SLC45A4: variants seen among roughly 807,000 people sequenced by gnomAD.
SLC45A4 encodes the protein polyamine-transporter SLC45A4.
A neutral mutation model predicts 63.7 loss-of-function variants in SLC45A4; 32 were observed. That is an observed-to-expected ratio of 0.50 (90% CI 0.38 to 0.67). SLC45A4 has a LOEUF of 0.67. SLC45A4 is among the 30% of genes least tolerant of loss of function. SLC45A4 has a pLI of 0.00. For missense variants in SLC45A4, 1,027 were observed against 1,157.7 expected (o/e 0.89, Z 1.64); for synonymous variants, 535 against 510.0 (o/e 1.05, Z -0.66).
chr8:141,230,968 G>A (rs1304888472), intron 2 of SLC45A4, among the ~76,000 whole-genome samples: 10 of 151,982 alleles, frequency 6.6e-5, no homozygotes, highest in Admixed American at 5.2e-4. Flanking sequence ...CTGTGCTGGC[G>A]GCGGCAACAG....
chr8:141,221,693 A>G lies in SLC45A4; in HGVS notation c.314T>C (p.Ile105Thr), dbSNP rs891568003. 2.5e-6 allele frequency: 4 copies of G among 1,613,956 alleles called. No individual in the cohort carries two copies. Among genetic ancestry groups the G allele is most frequent in the Admixed American group, 1.7e-5 (1 of 60,008 alleles). ...PILGLIFTPLIGSASDRCTLS... is the reference protein window; with the variant it reads ...PILGLIFTPLTGSASDRCTLS... ...GGTGCACCGGTCACTCGCAGACCCA[A>G]TGAGAGGTGTGAAGATGAGGCCAAG... Residue 105 changes from isoleucine (I) to threonine (T), a missense_variant, in exon 3 of 9, where the codon ATT becomes ACT. Ile to Thr is a moderately conservative substitution (Grantham distance 89). Transcript: ENST00000517878.
chr8:141,277,741 G>A (rs1414392129), intron 1 of SLC45A4, among the ~76,000 whole-genome samples: 7 of 151,930 alleles, frequency 4.6e-5, no homozygotes, highest in African/African-American at 1.2e-4. Context: ...CCGGGTTCAC[G>A]CCATTCTCCT....
intron 1 of SLC45A4, among the ~76,000 whole-genome samples, chr8:141,268,996 C>T (rs1225749342): frequency 1.3e-5 from 2 of 152,250 alleles, no homozygotes; most frequent in Non-Finnish European, 1.5e-5. Context: ...CAGCGCCTCA[C>T]GTGGATCAGT....
intron 1 of SLC45A4, among the ~76,000 whole-genome samples, chr8:141,290,094 A>G (rs889010546): frequency 6.6e-6 from 1 of 152,200 alleles, no homozygotes; most frequent in African/African-American, 2.4e-5. Context: ...ATTATACATC[A>G]TATGTATAAT....
chr8:141,230,168 TC>T (rs1827269316), intron 2 of SLC45A4: 1 of 454,956 alleles, frequency 2.2e-6, no homozygotes, highest in Admixed American at 2.4e-5. Flanking sequence ...GAAGTAGGTT[TC>T]CCAGAAGCTG....
chr8:141,255,871 A>G (rs1034552769), intron 1 of SLC45A4, among the ~76,000 whole-genome samples: 5 of 152,208 alleles, frequency 3.3e-5, no homozygotes, highest in Admixed American at 2.0e-4. Flanking sequence ...ATTGGCCTTT[A>G]GGTTATAAAA....
In SLC45A4 at chr8:141,232,056, C is replaced by T. The variant is rs375566078; in HGVS notation, c.242-10291G>A. Among the ~76,000 whole-genome samples, 39 of 152,356 alleles carry T rather than the reference C, an allele frequency of 2.6e-4. No homozygotes were observed. The South Asian group carries it at 6.4e-3, about 25-fold the overall frequency. ...GGCCAGGCCCCACACGCCAAGTGCC[C>T]GACTCAGGCTCTGCATCTCTCCTCT... On this transcript the variant is annotated intron_variant, in intron 2 of 8. Coordinates refer to ENST00000517878, the MANE Select transcript of SLC45A4 (RefSeq NM_001286646.2).
rs62524209 is a variant in SLC45A4, at chr8:141,296,105, C to T, written c.-401+11991G>A. Among the ~76,000 whole-genome samples the T allele has an allele frequency of 9.8e-3, 1,486 of 152,042 alleles. 11 individuals carry two copies. The highest frequency in any genetic ancestry group is 0.015 in the Non-Finnish European group (1,040 of 67,946). On this transcript the variant is annotated intron_variant, in intron 1 of 8. Transcript: ENST00000517878. ...CAACACTTTGGGAGGCTGTGGTGGG[C>T]GGATCACAGGAAGCCAGGAGTTTGA...
intron 2 of SLC45A4, among the ~76,000 whole-genome samples, chr8:141,241,605 C>T (rs544081112): frequency 6.6e-6 from 1 of 152,236 alleles, no homozygotes; most frequent in East Asian, 1.9e-4. Context: ...CCTTTTGAGT[C>T]AGGTCTGGGA....
chr8:141,222,092 TG>T (rs1826678813), intron 2 of SLC45A4, among the ~76,000 whole-genome samples: 1 of 51,620 alleles, frequency 1.9e-5, no homozygotes, highest in African/African-American at 7.5e-5. Flanking sequence ...CGCCCAGGGC[TG>T]GACACAGGGC....
chr8:141,292,054 C>T (rs1830366397), intron 1 of SLC45A4, among the ~76,000 whole-genome samples: 1 of 152,212 alleles, frequency 6.6e-6, no homozygotes, highest in Admixed American at 6.5e-5. Context: ...TGCTGGGAGG[C>T]CATGCGCTAA....
At chr8:141,225,414 G>A (rs1322347246) in intron 2 of SLC45A4, 4 of 152,238 alleles carry the variant, frequency 2.6e-5, no homozygotes, top group Admixed American at 2.6e-4. Flanking sequence ...CGTCAACGAA[G>A]GCCAACAGTC....
chr8:141,221,759 G>A lies in SLC45A4; in HGVS notation c.248C>T (p.Pro83Leu), dbSNP rs141335753. The change falls in exon 3 of 9, where the codon CCG (proline) becomes CTG (leucine). Residue 83 changes from proline (P) to leucine (L), a missense_variant. Transcript: ENST00000517878. ...VTPILLQIGL[P>L]EQYYSLTWFL... ...CCAGGTGAGGCTGTAGTACTGCTCCGGAAGGCCTGCAAGGGACACGAGGGC... is the reference window on the plus strand; with the variant it reads ...CCAGGTGAGGCTGTAGTACTGCTCCAGAAGGCCTGCAAGGGACACGAGGGC... 43 of 1,613,116 alleles carry A rather than the reference G, an allele frequency of 2.7e-5. No individual in the cohort carries two copies. Among genetic ancestry groups the A allele is most frequent in the East Asian group, 1.3e-4 (6 of 44,862 alleles).
chr8:141,230,192 C>T (rs1430638728), intron 2 of SLC45A4: 1 of 451,374 alleles, frequency 2.2e-6, no homozygotes, highest in Non-Finnish European at 4.4e-6. Flanking sequence ...GAAGCACAGG[C>T]CTCTGTTTCT....
In SLC45A4 at chr8:141,211,389, A is replaced by C; in HGVS notation, c.*183T>G. On this transcript the variant is annotated 3_prime_UTR_variant, in exon 9 of 9. Coordinates refer to ENST00000517878, the MANE Select transcript of SLC45A4 (RefSeq NM_001286646.2). Reference sequence around the variant, plus strand: ...CGTCTGGAGCTCACGCTCCGCCCCCAGGTGGTGCCCAGCCCATCCCTGGGC... The same window carrying C: ...CGTCTGGAGCTCACGCTCCGCCCCCCGGTGGTGCCCAGCCCATCCCTGGGC... 1.3e-6 allele frequency: 2 copies of C among 1,514,234 alleles called. No individual in the cohort carries two copies. The highest frequency in any genetic ancestry group is 2.7e-5 in the South Asian group (2 of 74,830). The allele number at this position is 1,514,234 out of a possible 1,614,324, so 93.8% of individuals were successfully genotyped here.
Position 141,211,627 on chromosome 8 carries a change from A to G in SLC45A4, c.2372T>C (p.Phe791Ser), listed in dbSNP as rs370563925. ...WLVPQLLESIFLYDYFRKKIF... is the reference protein window; with the variant it reads ...WLVPQLLESISLYDYFRKKIF... ...TTTTTTTCTAAAATAATCATAAAGA[A>G]AAATACTCTCCAACAGCTGCGGCAC... Residue 791 changes from phenylalanine (F) to serine (S), a missense_variant, in exon 9 of 9, where the codon TTT becomes TCT. By Grantham distance (155) the Phe-to-Ser change is radical (BLOSUM62 -2). Transcript: ENST00000517878. The G allele has an allele frequency of 3.7e-6, 6 of 1,612,192 alleles. No individual in the cohort carries two copies. Among genetic ancestry groups the G allele is most frequent in the Non-Finnish European group, 5.1e-6 (6 of 1,179,504 alleles).
In SLC45A4 at chr8:141,234,272, C is replaced by T. The variant is rs112083135; in HGVS notation, c.242-12507G>A. On this transcript the variant is annotated intron_variant, in intron 2 of 8. Transcript: ENST00000517878. ...CCTCCAATTCACATTCTTCATTCACCGTCAGGACCTCAAGGAGGTCACCTT... is the reference window on the plus strand; with the variant it reads ...CCTCCAATTCACATTCTTCATTCACTGTCAGGACCTCAAGGAGGTCACCTT... Among the ~76,000 whole-genome samples the T allele has an allele frequency of 3.3e-3, 502 of 152,310 alleles. 5 individuals are homozygous for T. Among genetic ancestry groups the T allele is most frequent in the African/African-American group, 0.012 (481 of 41,568 alleles).
intron 1 of SLC45A4, among the ~76,000 whole-genome samples, chr8:141,274,224 G>C (rs890538003): frequency 1.4e-5 from 2 of 145,262 alleles, no homozygotes; most frequent in African/African-American, 5.1e-5. Context: ...GGGAGACTCA[G>C]TCTCAAACAA....
At chr8:141,250,529 G>T (rs1371895497) in intron 2 of SLC45A4, among the ~76,000 whole-genome samples, 1 of 152,036 alleles carries the variant, frequency 6.6e-6, no homozygotes, top group Non-Finnish European at 1.5e-5. Context: ...GTGATTACAG[G>T]TGTGCACCAC....
Sources: allele counts gnomAD v4.1 joint callset (sites outside exome capture counted in the v4.1 genomes callset), GRCh38; gene constraint gnomAD v4.1.1; transcripts MANE v1.5; gene names NCBI Gene and HGNC (gene_info 2026-07-23, HGNC 2026-07-21).